The following ROBO1 variants were observed in gnomAD, a reference collection of about 807,000 sequenced individuals.
The protein encoded by ROBO1 is roundabout homolog 1.
Under a neutral mutation model 195.9 loss-of-function variants are expected in ROBO1, and 149 were observed. The observed-to-expected ratio is 0.76, with a 90% confidence interval of 0.67 to 0.87. The LOEUF (loss-of-function observed/expected upper bound fraction) is 0.87. Among genes scored for constraint, ROBO1 ranks in the 40% least tolerant of loss-of-function variants. The pLI is 0.00. For synonymous variants in ROBO1, 816 were observed against 733.2 expected (o/e 1.11, Z -1.82); for missense variants, 1,933 against 2,068.3 (o/e 0.93, Z 1.27).
chr3:78,955,387 C>G (rs562947323), intron 3 of ROBO1, among the ~76,000 whole-genome samples: 166 of 152,170 alleles, frequency 1.1e-3, no homozygotes, highest in African/African-American at 3.9e-3. Flanking sequence ...CGGTAAACCC[C>G]AGTGTCTGTG....
At chr3:78,905,702 A>G (rs1487416987) in intron 4 of ROBO1, among the ~76,000 whole-genome samples, 1 of 152,194 alleles carries the variant, frequency 6.6e-6, no homozygotes, top group Non-Finnish European at 1.5e-5. Context: ...ATATATACAC[A>G]TTCACATATA....
intron 4 of ROBO1, among the ~76,000 whole-genome samples, chr3:78,794,970 G>A (rs947340366): frequency 6.6e-6 from 1 of 152,106 alleles, no homozygotes; most frequent in Non-Finnish European, 1.5e-5. Flanking sequence ...TTTCAGAAAT[G>A]TATCTTATAA....
chr3:78,631,427 A>ACGCT (rs1705180184), intron 24 of ROBO1, 122 bp from the exon 25 acceptor site: 13 of 1,128,988 alleles, frequency 1.2e-5, no homozygotes, highest in Non-Finnish European at 1.6e-5. Context: ...AGAGATAAAC[A>ACGCT]TGCTTTTTCA....
chr3:79,169,341 C>T, intron 2 of ROBO1, among the ~76,000 whole-genome samples: 2 of 151,934 alleles, frequency 1.3e-5, no homozygotes, highest in African/African-American at 4.8e-5. Context: ...TCGTTTTTTT[C>T]TTTTGCTTGC....
intron 2 of ROBO1, among the ~76,000 whole-genome samples, chr3:79,272,440 C>T (rs1199376147): frequency 6.6e-6 from 1 of 152,022 alleles, no homozygotes; most frequent in East Asian, 1.9e-4. Flanking sequence ...AAAACACTTT[C>T]CTTAGAACCA....
intron 4 of ROBO1, among the ~76,000 whole-genome samples, chr3:78,906,389 T>G (rs2037921713): frequency 6.6e-6 from 1 of 152,136 alleles, no homozygotes; most frequent in African/African-American, 2.4e-5. Context: ...AAAACCATCC[T>G]GACAGCCACT....
intron 2 of ROBO1, among the ~76,000 whole-genome samples, chr3:79,397,220 A>G (rs1329249281): frequency 1.3e-5 from 2 of 150,554 alleles, no homozygotes; most frequent in African/African-American, 2.4e-5. Flanking sequence ...ATTAATAAGT[A>G]TATATATACA....
intron 3 of ROBO1, among the ~76,000 whole-genome samples, chr3:79,028,973 A>G (rs1430893930): frequency 6.6e-6 from 1 of 152,050 alleles, no homozygotes; most frequent in Non-Finnish European, 1.5e-5. Flanking sequence ...TTACCTTTGG[A>G]AAAAAGTATA....
intron 2 of ROBO1, among the ~76,000 whole-genome samples, chr3:79,197,802 T>A (rs2081668226): frequency 6.6e-6 from 1 of 152,138 alleles, no homozygotes; most frequent in Admixed American, 6.6e-5. Flanking sequence ...ATGATGAGCA[T>A]TTTTTCATAA....
intron 2 of ROBO1, among the ~76,000 whole-genome samples, chr3:79,262,619 C>T (rs911404538): frequency 2.6e-5 from 4 of 151,520 alleles, no homozygotes; most frequent in Non-Finnish European, 5.9e-5. Context: ...AGTAAAAAAA[C>T]GTTTTAAATG....
intron 4 of ROBO1, among the ~76,000 whole-genome samples, chr3:78,771,652 G>T (rs1386584527): frequency 6.6e-6 from 1 of 152,042 alleles, no homozygotes; most frequent in Non-Finnish European, 1.5e-5. Context: ...ATTTGTGTGT[G>T]TGTGGCTATT....
chr3:78,640,345 T>C (rs1215463569), intron 21 of ROBO1, among the ~76,000 whole-genome samples: 1 of 152,150 alleles, frequency 6.6e-6, no homozygotes, highest in Non-Finnish European at 1.5e-5. Context: ...ACTCAGACAA[T>C]AGATTCTTCA....
intron 5 of ROBO1, among the ~76,000 whole-genome samples, chr3:78,719,747 T>C (rs1325993250): frequency 6.6e-6 from 1 of 152,160 alleles, no homozygotes; most frequent in African/African-American, 2.4e-5. Flanking sequence ...TACTGATAGA[T>C]ATTTAAGACA....
At chr3:79,244,439 C>T (rs985706914) in intron 2 of ROBO1, among the ~76,000 whole-genome samples, 2 of 152,046 alleles carry the variant, frequency 1.3e-5, no homozygotes, top group Admixed American at 1.3e-4. Context: ...CATAAATACC[C>T]CCAGGATGGT....
intron 1 of ROBO1, among the ~76,000 whole-genome samples, chr3:79,686,903 T>A (rs1576230753): frequency 6.6e-6 from 1 of 152,158 alleles, no homozygotes; most frequent in African/African-American, 2.4e-5. Context: ...AGAGCCCACA[T>A]TGCCAAGTCA....
At chr3:79,722,299 G>C (rs750586594) in intron 1 of ROBO1, among the ~76,000 whole-genome samples, 14 of 152,164 alleles carry the variant, frequency 9.2e-5, no homozygotes, top group Non-Finnish European at 1.9e-4. Flanking sequence ...AGAAATCTAA[G>C]CTTGCAATTA....
chr3:79,539,386 CAAAAG>C (rs1941986344), intron 2 of ROBO1, among the ~76,000 whole-genome samples: 1 of 152,018 alleles, frequency 6.6e-6, no homozygotes, highest in Admixed American at 6.6e-5. Flanking sequence ...AGTTGTTTTA[CAAAAG>C]AAATGTGTGT....
Position 79,089,046 on chromosome 3 carries a change from T to C in ROBO1, c.172+36410A>G, listed in dbSNP as rs151201871. Among the ~76,000 whole-genome samples, 336 of 152,230 alleles carry C rather than the reference T, an allele frequency of 2.2e-3. 4 individuals are homozygous for C. Among genetic ancestry groups the C allele is most frequent in the African/African-American group, 7.7e-3 (321 of 41,552 alleles). ...GTATTCCTCGCTTTTAGTAAAGTCA[T>C]TTTTATTTTTAACATACTTAGTTTC... is the stretch of plus-strand genomic sequence containing the variant. On this transcript the variant is annotated intron_variant, in intron 3 of 30. Coordinates refer to ENST00000464233, the MANE Select transcript of ROBO1 (RefSeq NM_002941.4).
intron 2 of ROBO1, among the ~76,000 whole-genome samples, chr3:79,258,957 T>C (rs2082887539): frequency 6.6e-6 from 1 of 152,112 alleles, no homozygotes; most frequent in South Asian, 2.1e-4. Context: ...TTTAAAGATA[T>C]GATGCCATAT....
Sources: gnomAD v4.1 joint callset for allele counts (sites outside exome capture counted in the v4.1 genomes callset) on GRCh38, gnomAD v4.1.1 for gene constraint, MANE v1.5 for transcripts, NCBI Gene and HGNC (gene_info 2026-07-23, HGNC 2026-07-21) for gene names.